FAM117B: variants seen among roughly 807,000 people sequenced by gnomAD.
The protein encoded by FAM117B is protein FAM117B.
Under a neutral mutation model 52.8 loss-of-function variants are expected in FAM117B, and 22 were observed. That is an observed-to-expected ratio of 0.42 (90% confidence interval 0.30 to 0.59). FAM117B has a LOEUF of 0.59. Among genes scored for constraint, FAM117B ranks in the 20% least tolerant of loss-of-function variants. FAM117B has a pLI of 0.22. For missense variants in FAM117B, 678 were observed against 802.6 expected, an observed-to-expected ratio of 0.84 and a Z score of 1.88; for synonymous variants, 309 against 324.1, an observed-to-expected ratio of 0.95 and a Z score of 0.50.
intron 1 of FAM117B, among the ~76,000 whole-genome samples, chr2:202,658,876 C>T (rs1690087185): frequency 6.6e-6 from 1 of 151,810 alleles, no homozygotes. Context: ...ATTTATGTTT[C>T]TCATGAAATT....
chr2:202,721,897 G>T (rs562974903), intron 2 of FAM117B, among the ~76,000 whole-genome samples: 2 of 151,922 alleles, frequency 1.3e-5, no homozygotes, highest in Non-Finnish European at 2.9e-5. Flanking sequence ...GCCTCTCAAA[G>T]CACTGGGATT....
intron 4 of FAM117B, among the ~76,000 whole-genome samples, chr2:202,748,073 G>A (rs1317349232): frequency 6.6e-6 from 1 of 151,980 alleles, no homozygotes; most frequent in Non-Finnish European, 1.5e-5. Context: ...ATTACACAAA[G>A]CTATAGTCAT....
At chr2:202,726,864 A>G (rs995402746) in intron 4 of FAM117B, among the ~76,000 whole-genome samples, 2 of 152,186 alleles carry the variant, frequency 1.3e-5, no homozygotes, top group Admixed American at 6.5e-5. Flanking sequence ...CAGCAAACCA[A>G]AACGGCACAT....
Position 202,714,899 on chromosome 2 carries a change from C to G in FAM117B, c.754-10018C>G, listed in dbSNP as rs549072761. On this transcript the variant is annotated intron_variant, in intron 2 of 7. Transcript: ENST00000392238. Reference sequence around the variant, plus strand: ...CAAGGCAGAAGAATTTTTCTTAGTACAGAACAAAATGAAAAGTCTCCCATG... The same window carrying G: ...CAAGGCAGAAGAATTTTTCTTAGTAGAGAACAAAATGAAAAGTCTCCCATG... 8.5e-3 allele frequency among the ~76,000 whole-genome samples: 1,285 copies of G among 152,048 alleles called. 21 individuals carry two copies. The highest frequency in any genetic ancestry group is 0.029 in the African/African-American group (1,213 of 41,454).
chr2:202,683,168 A>G (rs1315788529), intron 1 of FAM117B, among the ~76,000 whole-genome samples: 1 of 152,194 alleles, frequency 6.6e-6, no homozygotes, highest in African/African-American at 2.4e-5. Context: ...TCTCTGCTAA[A>G]AACACAAAAA....
chr2:202,747,500 A>C (rs375369728), intron 4 of FAM117B, among the ~76,000 whole-genome samples: 28 of 152,180 alleles, frequency 1.8e-4, no homozygotes, highest in African/African-American at 6.8e-4. Flanking sequence ...AAATGACATG[A>C]TCTTATATAT....
chr2:202,706,105 C>T (rs1321921707), intron 2 of FAM117B, among the ~76,000 whole-genome samples: 3 of 152,154 alleles, frequency 2.0e-5, no homozygotes, highest in Admixed American at 6.5e-5. Flanking sequence ...TGCACTATAG[C>T]CTCAAACTCC....
intron 2 of FAM117B, among the ~76,000 whole-genome samples, chr2:202,721,854 G>A (rs1691157181): frequency 6.6e-6 from 1 of 151,772 alleles, no homozygotes; most frequent in Non-Finnish European, 1.5e-5. Flanking sequence ...GGCTGGTCTT[G>A]AATTCCTGGG....
chr2:202,731,987 G>A (rs377629766), intron 4 of FAM117B, among the ~76,000 whole-genome samples: 7 of 151,448 alleles, frequency 4.6e-5, no homozygotes, highest in East Asian at 3.9e-4. Context: ...TGCCCGCCTC[G>A]GCCTCCCAAA....
rs937860095 is a variant in FAM117B at position 202,755,476 on chromosome 2, G to A, written c.961-62G>A. 49 of 1,567,594 alleles carry A rather than the reference G, an allele frequency of 3.1e-5. 1 individual carries two copies. The African/African-American group carries it at 5.1e-4, about 16-fold the overall frequency. On this transcript the variant is annotated intron_variant, in intron 4 of 7. Coordinates refer to ENST00000392238, the MANE Select transcript of FAM117B (RefSeq NM_173511.4). ...AGTTACTTATGTCTGTTGGAATTAC[G>A]CTTCAGCCTAGAAAATTAAAAGGTA...
At chr2:202,692,199 T>C (rs1042512739) in intron 1 of FAM117B, among the ~76,000 whole-genome samples, 4 of 152,198 alleles carry the variant, frequency 2.6e-5, no homozygotes, top group Non-Finnish European at 4.4e-5. Context: ...TGCCATCTTA[T>C]AGAACTAGAA....
At chr2:202,755,360 T>G (rs1029885511) in intron 4 of FAM117B, among the ~76,000 whole-genome samples, 178 bp from the exon 5 acceptor site, 13 of 152,186 alleles carry the variant, frequency 8.5e-5, no homozygotes, top group Admixed American at 2.6e-4. Context: ...TTGTGTGGGA[T>G]TTGGGTTTTA....
intron 4 of FAM117B, among the ~76,000 whole-genome samples, chr2:202,746,154 T>G (rs1691628115): frequency 6.6e-6 from 1 of 152,112 alleles, no homozygotes; most frequent in Non-Finnish European, 1.5e-5. Flanking sequence ...CACATACACA[T>G]ATCAGCACAT....
Position 202,757,359 on chromosome 2 carries a change from G to A in FAM117B, c.1251G>A (p.Ser417=), listed in dbSNP as rs368770075. Residue 417 remains serine, a synonymous_variant, in exon 6 of 8, where the codon TCG becomes TCA. Coordinates refer to ENST00000392238, the MANE Select transcript of FAM117B (RefSeq NM_173511.4). ...SSRSQSVSPT[S]FLTISNEGSE... is the part of the protein sequence containing the mutation. ...GTTCCCAGTCCGTGTCCCCAACATC[G>A]TTCCTCACCATTTCCAATGAAGGTA... 7 of 1,613,894 alleles carry A rather than the reference G, an allele frequency of 4.3e-6. No individual in the cohort carries two copies. The highest frequency in any genetic ancestry group is 3.3e-5 in the Admixed American group (2 of 59,978).
Position 202,726,288 on chromosome 2 carries a change from C to T in FAM117B, c.885C>T (p.His295=). 1.2e-6 allele frequency: 2 copies of T among 1,613,764 alleles called. No homozygotes were observed. The highest frequency in any genetic ancestry group is 1.7e-6 in the Non-Finnish European group (2 of 1,179,932). The change falls in exon 4 of 8, where the codon CAC becomes CAT. Residue 295 remains histidine, a synonymous_variant. Coordinates refer to ENST00000392238, the MANE Select transcript of FAM117B (RefSeq NM_173511.4). ...GCCAGCAGTTGCAGAGAAGTAAACA[C>T]AGCAGTCGGCATCATCGAGATAAAG... ...KLRQQLQRSK[H]SSRHHRDKER...
At chr2:202,746,541 A>G (rs1691636672) in intron 4 of FAM117B, among the ~76,000 whole-genome samples, 1 of 152,154 alleles carries the variant, frequency 6.6e-6, no homozygotes, top group South Asian at 2.1e-4. Flanking sequence ...AGTGTACCTC[A>G]AGGAACTAGA....
At chr2:202,713,729 AG>A (rs1272079358) in intron 2 of FAM117B, among the ~76,000 whole-genome samples, 1 of 151,896 alleles carries the variant, frequency 6.6e-6, no homozygotes, top group African/African-American at 2.4e-5. Context: ...TTTTTTGAGA[AG>A]GAGTTTCGCT....
chr2:202,700,246 T>C (rs1281588635), intron 2 of FAM117B, among the ~76,000 whole-genome samples: 1 of 152,220 alleles, frequency 6.6e-6, no homozygotes, highest in Non-Finnish European at 1.5e-5. Flanking sequence ...AAAGCTGAGA[T>C]AGGCCAAAAG....
In FAM117B at chr2:202,635,048, C is replaced by T. The variant is rs927837950; in HGVS notation, c.-140C>T. 50 of 1,144,370 alleles carry T rather than the reference C, an allele frequency of 4.4e-5. No individual in the cohort carries two copies. The highest frequency in any genetic ancestry group is 3.3e-5 in the East Asian group (1 of 30,346). 70.9% of individuals were successfully genotyped at this position (1,144,370 alleles called of 1,614,324 possible). A position where few individuals can be genotyped will look rare whatever the true frequency, so the allele number is the denominator to read the frequency against. ...CACCTCGTTGCTGCCTGCCCCGGCC[C>T]GGTCTCCCCCTGCACCCCGGAGTCC... is the stretch of plus-strand genomic sequence containing the variant. On this transcript the variant is annotated 5_prime_UTR_variant, in exon 1 of 8. Transcript: ENST00000392238.
Sources: gnomAD v4.1 joint callset for allele counts (sites outside exome capture counted in the v4.1 genomes callset) on GRCh38, gnomAD v4.1.1 for gene constraint, MANE v1.5 for transcripts, NCBI Gene and HGNC (gene_info 2026-07-23, HGNC 2026-07-21) for gene names.